The following PACRG variants were observed in gnomAD, a reference collection of about 807,000 sequenced individuals.
The protein encoded by PACRG is parkin coregulated gene protein.
In PACRG, 29 loss-of-function variants were observed where a neutral mutation model predicts 29.7. The ratio of observed to expected loss-of-function variants is 0.98; its 90% CI spans 0.73 to 1.33. The LOEUF is 1.33. Among genes scored for constraint, PACRG ranks in the 40% most tolerant of loss-of-function variants. The pLI, the probability that PACRG is intolerant of heterozygous loss-of-function variation, is 0.00. For synonymous variants in PACRG, 116 were observed against 118.7 expected (o/e 0.98, Z 0.15); for missense variants, 279 against 316.2 (o/e 0.88, Z 0.89).
At chr6:162,828,425 G>A (rs1177882502) in intron 2 of PACRG, among the ~76,000 whole-genome samples, 1 of 152,166 alleles carries the variant, frequency 6.6e-6, no homozygotes, top group African/African-American at 2.4e-5. Flanking sequence ...CATGTAACTT[G>A]TAAGAAGCAT....
intron 4 of PACRG, among the ~76,000 whole-genome samples, chr6:163,269,786 A>C (rs56026062): frequency 0.13 from 11,115 of 88,802 alleles, 2,106 homozygotes; most frequent in Middle Eastern, 0.25. Context: ...GACAGACAGA[A>C]AGAAAGAAAG....
chr6:162,743,025 A>G (rs1780719644), intron 1 of PACRG, among the ~76,000 whole-genome samples: 1 of 152,126 alleles, frequency 6.6e-6, no homozygotes. Flanking sequence ...CCACATCCCC[A>G]CAAACACTAG....
chr6:163,033,471 C>T (rs1014733362), intron 2 of PACRG, among the ~76,000 whole-genome samples: 2 of 152,144 alleles, frequency 1.3e-5, no homozygotes, highest in African/African-American at 4.8e-5. Context: ...ATTTATAGTT[C>T]TGAAGATATT....
intron 4 of PACRG, among the ~76,000 whole-genome samples, chr6:163,276,008 C>CTTCCTTCTTTCTTTCTTTCTTTCTTTCT (rs1554239015): frequency 2.8e-5 from 4 of 140,576 alleles, no homozygotes; most frequent in African/African-American, 1.1e-4. Flanking sequence ...TCCTTCCTTC[C>CTTCCTTCTTTCTTTCTTTCTTTCTTTCT]TTCTTTCTTT....
In PACRG at chr6:163,055,408, A is replaced by G. The variant is rs908690165; in HGVS notation, c.292-6742A>G. Among the ~76,000 whole-genome samples, 4 of 152,286 alleles carry G rather than the reference A, an allele frequency of 2.6e-5. No homozygotes were observed. In the South Asian group the frequency reaches 8.3e-4, roughly 32 times the overall value. Reference sequence around the variant, plus strand: ...CACTCACATATATACACACGTGCACACACACGCAAACAAGCGCCTGAGGAT... The same window carrying G: ...CACTCACATATATACACACGTGCACGCACACGCAAACAAGCGCCTGAGGAT... On this transcript the variant is annotated intron_variant, in intron 2 of 4. Transcript: ENST00000366888. This position sits in a 1 kb window ranked among gnomAD's most constrained non-coding sequence, Gnocchi z 4.0.
chr6:162,854,584 T>G (rs1166633403), intron 2 of PACRG, among the ~76,000 whole-genome samples: 1 of 152,208 alleles, frequency 6.6e-6, no homozygotes, highest in Non-Finnish European at 1.5e-5. Flanking sequence ...CAAAAAGAAA[T>G]TAAAGCAAAT....
intron 2 of PACRG, among the ~76,000 whole-genome samples, chr6:162,981,320 A>G (rs1802412921): frequency 7.2e-6 from 1 of 138,184 alleles, no homozygotes; most frequent in South Asian, 2.1e-4. Context: ...CAATGGCAAA[A>G]ATATAGAACC....
intron 4 of PACRG, among the ~76,000 whole-genome samples, chr6:163,232,139 G>A (rs541459531): frequency 2.0e-5 from 3 of 152,332 alleles, no homozygotes; most frequent in African/African-American, 7.2e-5. Flanking sequence ...AGCCTAGAAG[G>A]GAGTGGCTGA....
chr6:163,025,474 A>G (rs993783435), intron 2 of PACRG, among the ~76,000 whole-genome samples: 1 of 152,212 alleles, frequency 6.6e-6, no homozygotes, highest in African/African-American at 2.4e-5. Context: ...CAAGAGCACA[A>G]TCTCACTTCC....
chr6:163,049,227 G>C (rs1809727061), intron 2 of PACRG, among the ~76,000 whole-genome samples: 1 of 151,896 alleles, frequency 6.6e-6, no homozygotes, highest in Non-Finnish European at 1.5e-5. Context: ...TTTATAATAA[G>C]GTTAAATCTC....
intron 4 of PACRG, among the ~76,000 whole-genome samples, chr6:163,210,694 A>G (rs1781100631): frequency 6.6e-6 from 1 of 152,250 alleles, no homozygotes; most frequent in South Asian, 2.1e-4. Context: ...TTTTGCTGAG[A>G]ACAAAATAAT....
intron 4 of PACRG, among the ~76,000 whole-genome samples, chr6:163,278,024 C>A (rs1364089499): frequency 6.6e-6 from 1 of 152,060 alleles, no homozygotes; most frequent in African/African-American, 2.4e-5. Flanking sequence ...ATGATTATGA[C>A]CATTCTTGCA....
chr6:162,848,378 T>C (rs971163153), intron 2 of PACRG, among the ~76,000 whole-genome samples: 1 of 152,226 alleles, frequency 6.6e-6, no homozygotes, highest in African/African-American at 2.4e-5. Flanking sequence ...ACACAGCCTC[T>C]GATCAGTGCA....
chr6:162,929,056 T>C (rs913853883), intron 2 of PACRG, among the ~76,000 whole-genome samples: 7 of 152,136 alleles, frequency 4.6e-5, no homozygotes, highest in African/African-American at 1.7e-4. Context: ...TTGCCTATTG[T>C]GAATAGTGCT....
chr6:163,104,502 G>A (rs1815274348), intron 4 of PACRG, among the ~76,000 whole-genome samples: 1 of 152,176 alleles, frequency 6.6e-6, no homozygotes, highest in Non-Finnish European at 1.5e-5. Context: ...AGATTGCACA[G>A]ACCATTTGAT....
chr6:163,180,896 G>A (rs1000943645), intron 4 of PACRG, among the ~76,000 whole-genome samples: 5 of 152,194 alleles, frequency 3.3e-5, no homozygotes, highest in Non-Finnish European at 7.3e-5. Flanking sequence ...TGTTTCACCC[G>A]CTTGGCGTTT....
Position 162,814,208 on chromosome 6 carries a change from G to GAA in PACRG, c.221_222dup (p.Phe75AsnfsTer25). 1 of 1,613,596 alleles carries GAA rather than the reference G, an allele frequency of 6.2e-7. No individual in the cohort carries two copies. Among genetic ancestry groups the GAA allele is most frequent in the South Asian group, 1.1e-5 (1 of 91,060 alleles). ...AGACCAACCAAGCCCACAGCATTTC[G>GAA]AAAATTCTATGAGCGAGGTGACTTC... On this transcript the variant is annotated frameshift_variant, in exon 2 of 5. Coordinates refer to ENST00000366888, the MANE Select transcript of PACRG (RefSeq NM_001080379.2). LOFTEE classifies it high-confidence loss of function.
At chr6:163,234,337 T>A (rs1312887181) in intron 4 of PACRG, among the ~76,000 whole-genome samples, 1 of 152,164 alleles carries the variant, frequency 6.6e-6, no homozygotes, top group Non-Finnish European at 1.5e-5. Context: ...GTTCTCACTC[T>A]TAGTTCCTGC....
intron 4 of PACRG, among the ~76,000 whole-genome samples, chr6:163,292,345 T>C (rs1784640328): frequency 6.6e-6 from 1 of 152,178 alleles, no homozygotes; most frequent in Non-Finnish European, 1.5e-5. Flanking sequence ...AAATGAAGCA[T>C]AAGAAATTCA....
Sources: gnomAD v4.1 joint callset for allele counts (sites outside exome capture counted in the v4.1 genomes callset) on GRCh38, gnomAD v4.1.1 for gene constraint, Gnocchi (gnomAD v3.1) non-coding constraint, MANE v1.5 for transcripts, NCBI Gene and HGNC (gene_info 2026-07-23, HGNC 2026-07-21) for gene names.